GFM2: variants seen among roughly 807,000 people sequenced by gnomAD.
GFM2 encodes the protein ribosome-releasing factor 2, mitochondrial.
GFM2 carries 72 observed loss-of-function variants against 95.4 expected under a neutral mutation model. The observed-to-expected ratio is 0.76, with a 90% confidence interval of 0.62 to 0.92. The LOEUF is 0.92. Among genes scored for constraint, GFM2 ranks in the 40% least tolerant of loss-of-function variants. GFM2 has a pLI of 0.00. For missense variants in GFM2, 825 were observed against 924.1 expected (o/e 0.89, Z 1.39); for synonymous variants, 276 against 317.5 (o/e 0.87, Z 1.39).
At position 74,738,750 on chromosome 5, in the gene GFM2, T is replaced by C. The variant is rs116582430; in HGVS notation, c.1080-108A>G. 2,312 of 970,000 alleles carry C rather than the reference T, an allele frequency of 2.4e-3. 39 individuals are homozygous for C. The African/African-American group carries it at 0.035, about 15-fold the overall frequency. The allele number at this position is 970,000 out of a possible 1,614,324, so 60.1% of individuals were successfully genotyped here. A position where few individuals can be genotyped will look rare whatever the true frequency, so the allele number is the denominator to read the frequency against. ...TATTTTATCTTCTAGTAGAGCTACTTAGAGCCACTAAATAATGTCTTTGTT... is the reference window on the plus strand; with the variant it reads ...TATTTTATCTTCTAGTAGAGCTACTCAGAGCCACTAAATAATGTCTTTGTT... On this transcript the variant is annotated intron_variant, in intron 12 of 20. Coordinates refer to ENST00000296805, the MANE Select transcript of GFM2 (RefSeq NM_032380.5).
chr5:74,736,206 G>GTT (rs1315346024), intron 15 of GFM2: 2 of 231,726 alleles, frequency 8.6e-6, no homozygotes, highest in East Asian at 3.6e-4. Context: ...TTATTTGGGG[G>GTT]TTTTCTGCTA....
At chr5:74,765,120 G>T in intron 1 of GFM2, 1 of 1,245,064 alleles carries the variant, frequency 8.0e-7, no homozygotes, top group Non-Finnish European at 1.0e-6. Context: ...TAACGCCAAA[G>T]TTCAGGGCCT....
chr5:74,759,025 T>C (rs983593595), intron 4 of GFM2, 79 bp from the exon 5 acceptor site: 1 of 822,666 alleles, frequency 1.2e-6, no homozygotes, highest in African/African-American at 1.7e-5. Context: ...ATTTCAAAGC[T>C]GGTATTTCTA....
intron 5 of GFM2, among the ~76,000 whole-genome samples, chr5:74,755,009 T>C (rs890538146): frequency 4.6e-5 from 7 of 152,030 alleles, no homozygotes; most frequent in African/African-American, 9.7e-5. Flanking sequence ...GGTAGGGGAA[T>C]TGCTTGAACC....
At chr5:74,763,812 A>G in intron 1 of GFM2, 46 bp from the exon 2 acceptor site, 1 of 1,122,374 alleles carries the variant, frequency 8.9e-7, no homozygotes, top group Non-Finnish European at 1.4e-6. Context: ...CTTATGTATT[A>G]CATGTCAGCA....
chr5:74,752,884 C>A (rs1281145294), intron 5 of GFM2, among the ~76,000 whole-genome samples: 1 of 152,098 alleles, frequency 6.6e-6, no homozygotes, highest in Non-Finnish European at 1.5e-5. Context: ...GGGAGCACCC[C>A]GTGAAACAAA....
intron 5 of GFM2, among the ~76,000 whole-genome samples, chr5:74,753,007 TC>T (rs538990150): frequency 6.6e-6 from 1 of 151,226 alleles, no homozygotes; most frequent in African/African-American, 2.4e-5. Flanking sequence ...GGTTCTTTAA[TC>T]CCCCCCACCA....
chr5:74,740,279 ACT>A, intron 11 of GFM2, 142 bp from the exon 12 acceptor site: 1 of 559,212 alleles, frequency 1.8e-6, no homozygotes, highest in East Asian at 3.3e-5. Flanking sequence ...AGTTTTTAAC[ACT>A]CATCACTATC....
intron 2 of GFM2, among the ~76,000 whole-genome samples, chr5:74,762,614 T>A (rs1423848058): frequency 6.6e-6 from 1 of 152,216 alleles, no homozygotes; most frequent in African/African-American, 2.4e-5. Context: ...TGGCTTCTCT[T>A]TGGCACATCC....
chr5:74,760,231 A>G (rs542638671), intron 3 of GFM2, among the ~76,000 whole-genome samples: 29 of 152,324 alleles, frequency 1.9e-4, no homozygotes, highest in African/African-American at 7.0e-4. Flanking sequence ...AGTTAAATTC[A>G]TATTAGCCAA....
chr5:74,746,331 T>C (rs1334262218), intron 8 of GFM2, among the ~76,000 whole-genome samples, 166 bp from the exon 9 acceptor site: 1 of 152,234 alleles, frequency 6.6e-6, no homozygotes, highest in Admixed American at 6.5e-5. Context: ...CATAGGAAAA[T>C]GTCTGGAATA....
chr5:74,747,767 G>C lies in GFM2; in HGVS notation c.533C>G (p.Thr178Arg). The change falls in exon 8 of 21, where the codon ACA becomes AGA. Residue 178 changes from threonine to arginine, a missense_variant. Transcript: ENST00000296805. ...GTGTTTATCAGCTTGCCTCCATACTGTGAGAGTCTGGGCCTAAAGCAAAGA... is the reference window on the plus strand; with the variant it reads ...GTGTTTATCAGCTTGCCTCCATACTCTGAGAGTCTGGGCCTAAAGCAAAGA... ...ASAGVEAQTL[T>R]VWRQADKHNI... The C allele has an allele frequency of 6.2e-7, 1 of 1,604,756 alleles. No homozygotes were observed. Among genetic ancestry groups the C allele is most frequent in the South Asian group, 1.1e-5 (1 of 90,458 alleles).
chr5:74,733,208 C>T (rs772165372), intron 15 of GFM2, 110 bp from the exon 16 acceptor site: 50 of 757,412 alleles, frequency 6.6e-5, no homozygotes, highest in African/African-American at 3.8e-4. Context: ...AAAGAAATTT[C>T]GACCAGGTGT....
intron 3 of GFM2, 100 bp downstream of exon 3, chr5:74,760,802 T>C (rs1342084208): frequency 2.6e-6 from 2 of 778,728 alleles, no homozygotes; most frequent in Non-Finnish European, 4.4e-6. Flanking sequence ...AAGTAAAAAA[T>C]GGTTACAGAG....
Position 74,725,695 on chromosome 5 carries a change from T to C in GFM2, c.1973A>G (p.His658Arg), listed in dbSNP as rs780029934. The change falls in exon 19 of 21, where the codon CAT becomes CGT. Residue 658 changes from histidine (H) to arginine (R), a missense_variant. His to Arg is a conservative substitution (Grantham distance 29). Coordinates refer to ENST00000296805, the MANE Select transcript of GFM2 (RefSeq NM_032380.5). ...AATCATAGTTGTGGAGGTGCCAGGA[T>C]GAATTGTCAGGGAATGTAAAGTAAT... ...VAITLHSLTI[H>R]PGTSTTMISA... The C allele has an allele frequency of 5.2e-5, 84 of 1,613,818 alleles. No individual in the cohort carries two copies. The highest frequency in any genetic ancestry group is 1.1e-5 in the South Asian group (1 of 91,080).
rs138107419 is a variant in GFM2 at position 74,733,727 on chromosome 5, T to C, written c.1511-629A>G. The stretch of plus-strand genomic sequence containing the variant: ...AAAGGTTTTAAGAGGAACAGTAACA[T>C]CATCTGATTTTATTTTCCAAATATC... On this transcript the variant is annotated intron_variant, in intron 15 of 20. Coordinates refer to ENST00000296805, the MANE Select transcript of GFM2 (RefSeq NM_032380.5). 4.3e-3 allele frequency among the ~76,000 whole-genome samples: 661 copies of C among 152,276 alleles called. 2 individuals are homozygous for C. The highest frequency in any genetic ancestry group is 0.015 in the African/African-American group (619 of 41,564).
At position 74,760,928 on chromosome 5, in the gene GFM2, A is replaced by T; in HGVS notation, c.122T>A (p.Leu41His). ...TGGTAGAGAACTGCAATTTCTTCCA[A>T]GCGGCACATGTGGCTTTAATCTTTT... ...SLKRLKPHVP[L>H]GRNCSSLPGL... is the part of the protein sequence containing the mutation. The change falls in exon 3 of 21, where the codon CTT becomes CAT. Residue 41 changes from leucine (L) to histidine (H), a missense_variant. Leu to His is a moderately conservative substitution (Grantham distance 99). Transcript: ENST00000296805. The T allele has an allele frequency of 1.9e-6, 3 of 1,610,674 alleles. No individual in the cohort carries two copies. The highest frequency in any genetic ancestry group is 1.3e-5 in the African/African-American group (1 of 74,946).
rs377655338 is a variant in GFM2 at position 74,751,497 on chromosome 5, G to T, written c.305-4C>A. On this transcript the variant is annotated splice_region_variant and splice_polypyrimidine_tract_variant and intron_variant, in intron 5 of 20. Transcript: ENST00000296805. ...ACTGTGTCTCCATCATCAACATCTA[G>T]CCAGGAAAAAGATGATACAGTTTAG... 152 of 1,605,626 alleles carry T rather than the reference G, an allele frequency of 9.5e-5. No individual in the cohort carries two copies. Among genetic ancestry groups the T allele is most frequent in the Admixed American group, 1.7e-4 (10 of 59,906 alleles).
chr5:74,748,198 CTTAA>C (rs1243599759), intron 7 of GFM2, among the ~76,000 whole-genome samples: 3 of 152,122 alleles, frequency 2.0e-5, no homozygotes, highest in African/African-American at 7.2e-5. Flanking sequence ...GGAATTTTGC[CTTAA>C]TTATTTCAGA....
Sources: allele counts gnomAD v4.1 joint callset (sites outside exome capture counted in the v4.1 genomes callset), GRCh38; gene constraint gnomAD v4.1.1; transcripts MANE v1.5; gene names NCBI Gene and HGNC (gene_info 2026-07-23, HGNC 2026-07-21).